Variants in BYSL observed in about 807,000 individuals in gnomAD.
BYSL encodes bystin.
A neutral mutation model predicts 45.4 loss-of-function variants in BYSL; 21 were observed. That is an observed-to-expected ratio of 0.46 (90% CI 0.33 to 0.67). The LOEUF (loss-of-function observed/expected upper bound fraction) is 0.67, where lower values mean the gene tolerates loss of function less well. BYSL is among the 30% of genes least tolerant of loss of function. The pLI is 0.02. For synonymous variants in BYSL, 215 were observed against 231.3 expected (o/e 0.93, Z 0.64); for missense variants, 522 against 578.5 (o/e 0.90, Z 1.00).
At position 41,932,741 on chromosome 6, in the gene BYSL, G is replaced by A. The variant is rs772447526; in HGVS notation, c.*35G>A. On this transcript the variant is annotated 3_prime_UTR_variant, in exon 7 of 7. Transcript: ENST00000230340. The surrounding 1 kb of genome is among the most constrained non-coding windows in gnomAD (Gnocchi z 4.7). ...TCAGCTGTCCTGGCCAAAGGGGTTT[G>A]GAAGGACACCAAGACCCCCGTTGGT... 1.8e-5 allele frequency: 29 copies of A among 1,569,674 alleles called. No homozygotes were observed. The highest frequency in any genetic ancestry group is 2.5e-5 in the Non-Finnish European group (29 of 1,154,684).
At chr6:41,918,738 G>C (rs1775380663), upstream of BYSL, among the ~76,000 whole-genome samples, 1 of 151,178 alleles carries the variant, frequency 6.6e-6, no homozygotes, top group African/African-American at 2.4e-5. Context: ...ATGAGGTCAG[G>C]AGATCGAGAC....
intron 1 of BYSL, among the ~76,000 whole-genome samples, chr6:41,922,596 G>A (rs1375707656): frequency 6.6e-6 from 1 of 152,108 alleles, no homozygotes; most frequent in African/African-American, 2.4e-5. Context: ...CAGTATCCTT[G>A]GCTGACTCTT....
chr6:41,931,680 C>T (rs1369374869), intron 5 of BYSL, 48 bp from the exon 6 acceptor site: 6 of 1,607,448 alleles, frequency 3.7e-6, no homozygotes, highest in Non-Finnish European at 5.1e-6. Context: ...GCTGTAACTC[C>T]TTTTTCTCAT....
the BYSL span, chr6:41,909,227 C>A: frequency 6.3e-7 from 1 of 1,586,560 alleles, no homozygotes; most frequent in Admixed American, 1.8e-5. Flanking sequence ...TGCTAAGCAG[C>A]CCCCTCAGAA....
upstream of BYSL, chr6:41,921,167 T>C (rs867223751): frequency 9.2e-5 from 94 of 1,018,688 alleles, no homozygotes; most frequent in Middle Eastern, 6.4e-4. Flanking sequence ...GGTCCACGCC[T>C]TCCCCAAGGA....
the BYSL span, among the ~76,000 whole-genome samples, chr6:41,911,877 C>T: frequency 6.6e-5 from 10 of 152,224 alleles, no homozygotes; most frequent in Admixed American, 2.6e-4. Flanking sequence ...CATCCAAAGC[C>T]GACCTCGTCA....
chr6:41,927,960 T>G (rs1775587166), intron 2 of BYSL, among the ~76,000 whole-genome samples: 1 of 152,166 alleles, frequency 6.6e-6, no homozygotes, highest in South Asian at 2.1e-4. Context: ...ATTTTGTGTG[T>G]GTGTGGAGGC....
At chr6:41,931,265 A>T in intron 4 of BYSL, 131 bp from the exon 5 acceptor site, 1 of 1,067,320 alleles carries the variant, frequency 9.4e-7, no homozygotes, top group Non-Finnish European at 1.4e-6. Context: ...GCTCCCACAC[A>T]TCCCCCACTG....
chr6:41,922,868 C>T (rs760154599), intron 1 of BYSL, among the ~76,000 whole-genome samples: 1 of 152,206 alleles, frequency 6.6e-6, no homozygotes, highest in East Asian at 1.9e-4. Flanking sequence ...CCATTGCCTT[C>T]CCTGTCTCAG....
rs1775644609 is a variant in BYSL, at chr6:41,931,820, T to G, written c.958T>G (p.Leu320Val). 1.2e-6 allele frequency: 2 copies of G among 1,613,308 alleles called. No homozygotes were observed. Among genetic ancestry groups the G allele is most frequent in the African/African-American group, 1.3e-5 (1 of 74,902 alleles). The stretch of plus-strand genomic sequence containing the variant: ...CATCACCAAGTGCTCCATCCCTGTG[T>G]TGCACTCCAGGTAGTATTGCTGGGG... ...SIITKCSIPV[L>V]HSSAAMLKIA... is the part of the protein sequence containing the mutation. The change falls in exon 6 of 7, where the codon TTG becomes GTG. Residue 320 changes from leucine (L) to valine (V), a missense_variant. Transcript: ENST00000230340.
the BYSL span, chr6:41,909,278 G>A: frequency 6.2e-7 from 1 of 1,613,872 alleles, no homozygotes; most frequent in East Asian, 2.2e-5. Context: ...CCTCCACAGA[G>A]ATGCCCCGGG....
Position 41,921,512 on chromosome 6 carries a change from C to A in BYSL, c.-51C>A. 1 of 1,519,684 alleles carries A rather than the reference C, an allele frequency of 6.6e-7. No homozygotes were observed. 94.1% of individuals were successfully genotyped at this position (1,519,684 alleles called of 1,614,324 possible). ...AGTCCACCGCGCAAGCGCATCCTGG[C>A]CTTTCTTCAGTCCCCACGTGCGATC... On this transcript the variant is annotated 5_prime_UTR_variant, in exon 1 of 7. Transcript: ENST00000230340.
Position 41,931,487 on chromosome 6 carries a change from A to T in BYSL, c.796A>T (p.Lys266Ter). 6.2e-7 allele frequency: 1 copy of T among 1,614,156 alleles called. No homozygotes were observed. Among genetic ancestry groups the T allele is most frequent in the African/African-American group, 1.3e-5 (1 of 75,034 alleles). ...PRVRDDVAEY[K>*]RLNFHLYMAL... ...AGTACGAGATGACGTTGCTGAATAC[A>T]AACGACTCAACTTCCATCTCTACAT... The change falls in exon 5 of 7, where the codon AAA becomes TAA. Residue 266 changes from lysine (K) to a stop codon, truncating the protein, a stop_gained. Transcript: ENST00000230340. LOFTEE classifies it high-confidence loss of function.
At chr6:41,912,430 C>A in the BYSL span, among the ~76,000 whole-genome samples, 1 of 146,912 alleles carries the variant, frequency 6.8e-6, no homozygotes, top group East Asian at 2.0e-4. Flanking sequence ...GATCTGGGCT[C>A]ACTGCAGCCT....
At chr6:41,909,441 C>G in the BYSL span, 1 of 1,614,220 alleles carries the variant, frequency 6.2e-7, no homozygotes, top group Non-Finnish European at 8.5e-7. Context: ...AGCAATAAGG[C>G]AAGGGCCATT....
chr6:41,931,868 A>T (rs781516355), intron 6 of BYSL, 38 bp downstream of exon 6: 14 of 1,559,836 alleles, frequency 9.0e-6, no homozygotes, highest in Non-Finnish European at 1.2e-5. Context: ...TGGTCAGTGG[A>T]TATCCAGATA....
At chr6:41,919,908 A>C (rs1582066702), upstream of BYSL, among the ~76,000 whole-genome samples, 1 of 152,218 alleles carries the variant, frequency 6.6e-6, no homozygotes, top group African/African-American at 2.4e-5. Context: ...ATCACTGAGA[A>C]ACCTGCAAGA....
At chr6:41,927,239 A>G (rs1380104229) in intron 1 of BYSL, 135 bp from the exon 2 acceptor site, 3 of 1,035,198 alleles carry the variant, frequency 2.9e-6, no homozygotes, top group Non-Finnish European at 4.2e-6. Flanking sequence ...GAGCTAATGC[A>G]TTTGTTTCAC....
At chr6:41,927,277 C>T in intron 1 of BYSL, 97 bp from the exon 2 acceptor site, 1 of 1,436,396 alleles carries the variant, frequency 7.0e-7, no homozygotes. Context: ...ATCACAACCA[C>T]ATGTGAGGCC....
Sources: gnomAD v4.1 joint callset for allele counts (sites outside exome capture counted in the v4.1 genomes callset) on GRCh38, gnomAD v4.1.1 for gene constraint, Gnocchi (gnomAD v3.1) non-coding constraint, MANE v1.5 for transcripts, NCBI Gene and HGNC (gene_info 2026-07-23, HGNC 2026-07-21) for gene names.